The following RPTOR variants were observed in gnomAD, a reference collection of about 807,000 sequenced individuals.
RPTOR encodes the protein regulatory associated protein of MTOR complex 1.
Under a neutral mutation model 169.9 loss-of-function variants are expected in RPTOR, and 21 were observed. That is an observed-to-expected ratio of 0.12 (90% CI 0.09 to 0.18). The LOEUF is 0.18. Ranked by LOEUF, RPTOR falls within the 10% of genes least tolerant of loss-of-function variation. The pLI, the probability that RPTOR is intolerant of heterozygous loss-of-function variation, is 1.00. For missense variants in RPTOR, 1,133 were observed against 1,855.9 expected, an observed-to-expected ratio of 0.61 and a Z score of 7.16; for synonymous variants, 732 against 753.2, an observed-to-expected ratio of 0.97 and a Z score of 0.46.
intron 19 of RPTOR, among the ~76,000 whole-genome samples, chr17:80,893,163 A>G (rs2068347929): frequency 6.6e-6 from 1 of 152,242 alleles, no homozygotes; most frequent in Admixed American, 6.5e-5. Flanking sequence ...CCCGTCTCCC[A>G]GTAACCTGTG....
At chr17:80,743,798 C>T (rs1205431492) in intron 5 of RPTOR, among the ~76,000 whole-genome samples, 2 of 131,544 alleles carry the variant, frequency 1.5e-5, no homozygotes, top group African/African-American at 5.7e-5. Context: ...TGGCTACTAG[C>T]ACAGCCCTGG....
rs2065459229 is a variant in RPTOR at position 80,633,698 on chromosome 17, A to T, written c.265+7905A>T. Among the ~76,000 whole-genome samples, 1 of 152,194 alleles carries T rather than the reference A, an allele frequency of 6.6e-6. No homozygotes were observed. The highest frequency in any genetic ancestry group is 2.4e-5 in the African/African-American group (1 of 41,428). ...TTTGTAGTTGATAGGTATTTTCGGG[A>T]AGAAGTGCTTTGAGATTGTGCAAAT... On this transcript the variant is annotated intron_variant, in intron 2 of 33. Coordinates refer to ENST00000306801, the MANE Select transcript of RPTOR (RefSeq NM_020761.3). The surrounding 1 kb of genome is among the most constrained non-coding windows in gnomAD (Gnocchi z 4.1).
At chr17:80,656,857 C>T (rs759892030) in intron 3 of RPTOR, among the ~76,000 whole-genome samples, 16 of 152,200 alleles carry the variant, frequency 1.1e-4, no homozygotes, top group Non-Finnish European at 1.3e-4. Context: ...TGGCTAGTTC[C>T]TCTGTCCGGA....
chr17:80,738,867 T>C (rs926344131), intron 5 of RPTOR, among the ~76,000 whole-genome samples: 2 of 152,268 alleles, frequency 1.3e-5, no homozygotes, highest in Non-Finnish European at 2.9e-5. Flanking sequence ...TCAATTGATT[T>C]GTATGAAATG....
Position 80,892,911 on chromosome 17 carries a change from G to A in RPTOR, c.2242+42G>A, listed in dbSNP as rs376349715. ...CGGGTTATTGGATTGGGAGAGATTG[G>A]GGTTGTTTTTTCTGAAACACTGTAT... is the stretch of plus-strand genomic sequence containing the variant. On this transcript the variant is annotated intron_variant, in intron 19 of 33. Transcript: ENST00000306801. 2.2e-4 allele frequency: 354 copies of A among 1,598,048 alleles called. 2 individuals are homozygous for A. The highest frequency in any genetic ancestry group is 1.2e-3 in the South Asian group (109 of 90,312).
At chr17:80,729,009 C>T (rs568772011) in intron 4 of RPTOR, among the ~76,000 whole-genome samples, 1 of 152,294 alleles carries the variant, frequency 6.6e-6, no homozygotes, top group African/African-American at 2.4e-5. Flanking sequence ...CGATGATGTA[C>T]GTGTCTCCAC....
At position 80,849,940 on chromosome 17, in the gene RPTOR, GC is replaced by G. The variant is rs199998306; in HGVS notation, c.1314+3369del. On this transcript the variant is annotated intron_variant, in intron 11 of 33. Coordinates refer to ENST00000306801, the MANE Select transcript of RPTOR (RefSeq NM_020761.3). Reference sequence around the variant, plus strand: ...GTGCCCCCAACAGGTGGCTCAGGAAGCCCAGGCAGGGGAACGAAGAGCGCCT... The same window carrying G: ...GTGCCCCCAACAGGTGGCTCAGGAAGCCAGGCAGGGGAACGAAGAGCGCCT... Among the ~76,000 whole-genome samples, 713 of 152,374 alleles carry G rather than the reference GC, an allele frequency of 4.7e-3. 3 individuals carry two copies. Among genetic ancestry groups the G allele is most frequent in the African/African-American group, 0.016 (659 of 41,590 alleles).
Position 80,923,585 on chromosome 17 carries a change from G to C in RPTOR, c.2720G>C (p.Gly907Ala). 1.2e-6 allele frequency: 2 copies of C among 1,613,364 alleles called. No homozygotes were observed. The highest frequency in any genetic ancestry group is 1.7e-6 in the Non-Finnish European group (2 of 1,179,964). ...VSRDLPSGRP[G>A]TTGPAGAQYT... The stretch of plus-strand genomic sequence containing the variant: ...CGAGACTTGCCTTCTGGCCGGCCGG[G>C]CACCACAGGCCCCGCTGGGGCGCAG... The change falls in exon 23 of 34, where the codon GGC becomes GCC. Residue 907 changes from glycine to alanine, a missense_variant. Physicochemically the swap from Gly to Ala is moderately conservative, Grantham distance 60 (BLOSUM62 0). This residue lies in a region of RPTOR where 123 missense variants were observed against 129.0 expected (regional missense o/e 0.95). Transcript: ENST00000306801.
rs201229448 is a variant in RPTOR, at chr17:80,616,298, C to CTTT, written c.163-9374_163-9372dup. ...AATCCATTTATTGAAAATTGAAAATCTTTTTTTTTTTTTTTTTTTTTGAGA... is the reference window on the plus strand; with the variant it reads ...AATCCATTTATTGAAAATTGAAAATCTTTTTTTTTTTTTTTTTTTTTTTTGAGA... On this transcript the variant is annotated intron_variant, in intron 1 of 33. Transcript: ENST00000306801. 4.7e-3 allele frequency among the ~76,000 whole-genome samples: 532 copies of CTTT among 113,232 alleles called. 44 individuals carry two copies. Among genetic ancestry groups the CTTT allele is most frequent in the African/African-American group, 0.018 (465 of 26,160 alleles). The allele number at this position is 113,232 out of a possible 152,430, so 74.3% of individuals were successfully genotyped here.
At position 80,860,454 on chromosome 17, in the gene RPTOR, C is replaced by T. The variant is rs1318917920; in HGVS notation, c.1509+2554C>T. ...CCAGCCCAGGCCATCAGGTCCCCAA[C>T]TGTGCTGCCCACGGACCCCTGGGCC... On this transcript the variant is annotated intron_variant, in intron 13 of 33. Transcript: ENST00000306801. This position sits in a 1 kb window ranked among gnomAD's most constrained non-coding sequence, Gnocchi z 5.8. Among the ~76,000 whole-genome samples, 3 of 152,092 alleles carry T rather than the reference C, an allele frequency of 2.0e-5. No homozygotes were observed. Among genetic ancestry groups the T allele is most frequent in the Admixed American group, 1.3e-4 (2 of 15,278 alleles).
intron 1 of RPTOR, among the ~76,000 whole-genome samples, chr17:80,561,729 G>A (rs1275278121): frequency 6.6e-6 from 1 of 152,190 alleles, no homozygotes; most frequent in Non-Finnish European, 1.5e-5. Flanking sequence ...ACCGCACCCA[G>A]CCCAGGATGG....
intron 20 of RPTOR, among the ~76,000 whole-genome samples, chr17:80,899,683 A>G (rs2068451379): frequency 6.6e-6 from 1 of 152,268 alleles, no homozygotes; most frequent in Non-Finnish European, 1.5e-5. Flanking sequence ...GTGTGGTGCA[A>G]AAGTAGCCAG....
chr17:80,739,312 C>T (rs964894686), intron 5 of RPTOR, among the ~76,000 whole-genome samples: 2 of 152,230 alleles, frequency 1.3e-5, no homozygotes, highest in East Asian at 1.9e-4. Context: ...ACACTGAGGT[C>T]AGAAACACGG....
Position 80,959,190 on chromosome 17 carries a change from G to T in RPTOR, c.3478-888G>T, listed in dbSNP as rs1165956366. Among the ~76,000 whole-genome samples, 1 of 152,252 alleles carries T rather than the reference G, an allele frequency of 6.6e-6. No homozygotes were observed. The highest frequency in any genetic ancestry group is 6.5e-5 in the Admixed American group (1 of 15,292). On this transcript the variant is annotated intron_variant, in intron 29 of 33. Coordinates refer to ENST00000306801, the MANE Select transcript of RPTOR (RefSeq NM_020761.3). The surrounding 1 kb of genome is among the most constrained non-coding windows in gnomAD (Gnocchi z 6.7). Reference sequence around the variant, plus strand: ...CTGACGTGACCGTGGATCCCTCGAGGCACCAGCAGCTTTCATGGCACCTTC... The same window carrying T: ...CTGACGTGACCGTGGATCCCTCGAGTCACCAGCAGCTTTCATGGCACCTTC...
intron 4 of RPTOR, among the ~76,000 whole-genome samples, chr17:80,711,795 T>C (rs1373555883): frequency 1.5e-5 from 2 of 130,676 alleles, no homozygotes; most frequent in South Asian, 5.1e-4. Flanking sequence ...AAGGCTGGAG[T>C]AACAGTGGCG....
intron 25 of RPTOR, among the ~76,000 whole-genome samples, chr17:80,943,974 C>T (rs1335781692): frequency 3.9e-5 from 6 of 152,216 alleles, no homozygotes; most frequent in Admixed American, 1.3e-4. Context: ...AGCTTGTGTC[C>T]TTGGTGCCAC....
chr17:80,580,430 T>C, intron 1 of RPTOR, among the ~76,000 whole-genome samples: 1 of 152,242 alleles, frequency 6.6e-6, no homozygotes, highest in East Asian at 1.9e-4. Flanking sequence ...CTGCCAGCCC[T>C]GGGCATTGCC....
At chr17:80,743,701 C>CTACTAGCACAGCCCTGGT (rs2066509435) in intron 5 of RPTOR, among the ~76,000 whole-genome samples, 1 of 105,648 alleles carries the variant, frequency 9.5e-6, no homozygotes, top group African/African-American at 2.8e-5. Context: ...ACAGCCCTGG[C>CTACTAGCACAGCCCTGGT]TACTAGCACT....
chr17:80,822,948 T>C lies in RPTOR; in HGVS notation c.992-131T>C. On this transcript the variant is annotated intron_variant, in intron 8 of 33. Coordinates refer to ENST00000306801, the MANE Select transcript of RPTOR (RefSeq NM_020761.3). The stretch of plus-strand genomic sequence containing the variant: ...ACGTGTGTGTTTAAGCGTGTGTGTG[T>C]GTTGCTGATGGGAGATATGCATATT... 3.3e-6 allele frequency: 3 copies of C among 913,426 alleles called. No homozygotes were observed. The South Asian group carries it at 4.8e-5, about 15-fold the overall frequency. 56.6% of individuals were successfully genotyped at this position (913,426 alleles called of 1,614,324 possible).
Sources: gnomAD v4.1 joint callset for allele counts (sites outside exome capture counted in the v4.1 genomes callset) on GRCh38, gnomAD v4.1.1 for gene constraint, gnomAD v4.1.1 regional missense constraint, Gnocchi (gnomAD v3.1) non-coding constraint, MANE v1.5 for transcripts, NCBI Gene and HGNC (gene_info 2026-07-23, HGNC 2026-07-21) for gene names.